The following CNTN5 variants were observed in gnomAD, a reference collection of about 807,000 sequenced individuals.
The protein encoded by CNTN5 is contactin-5.
Under a neutral mutation model 129.1 loss-of-function variants are expected in CNTN5, and 77 were observed. The ratio of observed to expected loss-of-function variants is 0.60; its 90% CI spans 0.50 to 0.72. CNTN5 has a LOEUF of 0.72. CNTN5 is among the 30% of genes least tolerant of loss of function. The pLI is 0.00. For synonymous variants in CNTN5, 509 were observed against 465.6 expected, an observed-to-expected ratio of 1.09 and a Z score of -1.20; for missense variants, 1,478 against 1,328.8, an observed-to-expected ratio of 1.11 and a Z score of -1.75.
intron 2 of CNTN5, among the ~76,000 whole-genome samples, chr11:99,472,059 A>G (rs1286570715): frequency 3.3e-5 from 5 of 152,162 alleles, no homozygotes; most frequent in Admixed American, 3.3e-4. Context: ...ACTGAACCTC[A>G]GTTTTCATGG....
At chr11:99,851,318 G>A (rs1287511801) in intron 6 of CNTN5, among the ~76,000 whole-genome samples, 1 of 152,158 alleles carries the variant, frequency 6.6e-6, no homozygotes, top group Non-Finnish European at 1.5e-5. Flanking sequence ...CAAAGCTGGA[G>A]TGATTTCCTA....
intron 21 of CNTN5, among the ~76,000 whole-genome samples, chr11:100,328,005 A>G (rs958886537): frequency 1.3e-5 from 2 of 152,108 alleles, no homozygotes; most frequent in Non-Finnish European, 2.9e-5. Flanking sequence ...ACTGAGTACA[A>G]TTAAAGGTAT....
chr11:99,143,091 T>C (rs1384939453), intron 1 of CNTN5, among the ~76,000 whole-genome samples: 1 of 152,004 alleles, frequency 6.6e-6, no homozygotes, highest in African/African-American at 2.4e-5. Context: ...TGAGAGTTCC[T>C]TCTGGTTGTG....
chr11:100,162,479 A>G (rs911036620), intron 13 of CNTN5, among the ~76,000 whole-genome samples: 1 of 151,916 alleles, frequency 6.6e-6, no homozygotes, highest in African/African-American at 2.4e-5. Context: ...AGCTGGCTTC[A>G]TGAATGAAGG....
intron 13 of CNTN5, among the ~76,000 whole-genome samples, chr11:100,102,697 AC>A (rs1945272273): frequency 6.6e-6 from 1 of 152,162 alleles, no homozygotes; most frequent in Admixed American, 6.5e-5. Flanking sequence ...AAAAGACATT[AC>A]TAAAATGTGT....
intron 13 of CNTN5, among the ~76,000 whole-genome samples, chr11:100,087,511 C>G (rs1944599621): frequency 2.0e-5 from 3 of 151,688 alleles, no homozygotes; most frequent in Admixed American, 1.3e-4. Context: ...AGTAAAAACA[C>G]AAGCCAATCA....
At chr11:100,256,645 G>A (rs1251369762) in intron 17 of CNTN5, among the ~76,000 whole-genome samples, 1 of 152,118 alleles carries the variant, frequency 6.6e-6, no homozygotes, top group African/African-American at 2.4e-5. Context: ...TGCAGCCCAT[G>A]GAGGGCAAGC....
chr11:99,687,605 A>T (rs1953850525), intron 3 of CNTN5, among the ~76,000 whole-genome samples: 1 of 152,198 alleles, frequency 6.6e-6, no homozygotes, highest in Admixed American at 6.5e-5. Flanking sequence ...TGCTCAAGTT[A>T]CATAGTAGTT....
At chr11:100,266,107 T>G (rs1950298025) in intron 17 of CNTN5, among the ~76,000 whole-genome samples, 1 of 152,120 alleles carries the variant, frequency 6.6e-6, no homozygotes, top group Admixed American at 6.6e-5. Flanking sequence ...ATTAAATTGG[T>G]GGCTGGATTT....
At chr11:100,346,564 A>G (rs1952285939) in intron 23 of CNTN5, among the ~76,000 whole-genome samples, 1 of 152,144 alleles carries the variant, frequency 6.6e-6, no homozygotes, top group Non-Finnish European at 1.5e-5. Flanking sequence ...ACAAGCAGTC[A>G]GAAAGAATTC....
chr11:99,933,161 G>A (rs1322535969), intron 7 of CNTN5, among the ~76,000 whole-genome samples: 7 of 152,044 alleles, frequency 4.6e-5, no homozygotes, highest in Non-Finnish European at 7.4e-5. Flanking sequence ...AAGAAATATA[G>A]TGATGTAGTT....
intron 13 of CNTN5, among the ~76,000 whole-genome samples, chr11:100,126,241 G>C (rs73563191): frequency 6.6e-6 from 1 of 151,970 alleles, no homozygotes; most frequent in South Asian, 2.1e-4. Flanking sequence ...TATGTTCCAC[G>C]TGCAGATGAA....
intron 13 of CNTN5, among the ~76,000 whole-genome samples, chr11:100,139,199 G>T (rs1946615736): frequency 6.6e-6 from 1 of 152,106 alleles, no homozygotes; most frequent in South Asian, 2.1e-4. Flanking sequence ...ACAGGGCAGA[G>T]ATATGGCATA....
intron 13 of CNTN5, among the ~76,000 whole-genome samples, chr11:100,076,737 C>A (rs1420682969): frequency 6.6e-6 from 1 of 151,882 alleles, no homozygotes; most frequent in Non-Finnish European, 1.5e-5. Flanking sequence ...TTCTGCCTAC[C>A]TTGATCTACA....
In CNTN5 at chr11:99,058,518, A is replaced by T. The variant is rs1284691862; in HGVS notation, c.-210+37248A>T. Among the ~76,000 whole-genome samples, 5 of 152,154 alleles carry T rather than the reference A, an allele frequency of 3.3e-5. No individual in the cohort carries two copies. In the East Asian group the frequency reaches 5.8e-4, roughly 18 times the overall value. On this transcript the variant is annotated intron_variant, in intron 1 of 24. Transcript: ENST00000524871. ...TAGGGAGCTATAACTTGCAGAGCTAAGCAGCTTTACCACACATACATAGAA... is the reference window on the plus strand; with the variant it reads ...TAGGGAGCTATAACTTGCAGAGCTATGCAGCTTTACCACACATACATAGAA...
intron 1 of CNTN5, among the ~76,000 whole-genome samples, chr11:99,293,058 T>C (rs181725790): frequency 9.2e-5 from 14 of 152,316 alleles, no homozygotes; most frequent in Admixed American, 9.2e-4. Flanking sequence ...AGAAGTTAAC[T>C]GTGGGTTTGT....
chr11:99,881,849 G>A (rs1404352676), intron 6 of CNTN5, among the ~76,000 whole-genome samples: 1 of 152,196 alleles, frequency 6.6e-6, no homozygotes, highest in Non-Finnish European at 1.5e-5. Context: ...GAGTTGCACA[G>A]TATTGTCTGA....
intron 1 of CNTN5, among the ~76,000 whole-genome samples, chr11:99,213,300 A>G (rs1859911833): frequency 6.8e-6 from 1 of 146,050 alleles, no homozygotes; most frequent in Non-Finnish European, 1.5e-5. Context: ...TATAACATAT[A>G]TAATATATAC....
At chr11:99,131,261 A>AAAAAAAAG (rs1349668044) in intron 1 of CNTN5, among the ~76,000 whole-genome samples, 2 of 148,908 alleles carry the variant, frequency 1.3e-5, no homozygotes, top group Non-Finnish European at 3.0e-5. Flanking sequence ...AAAAAAAAAA[A>AAAAAAAAG]AAAGAAAAAT....
Sources: allele counts gnomAD v4.1 joint callset (sites outside exome capture counted in the v4.1 genomes callset), GRCh38; gene constraint gnomAD v4.1.1; transcripts MANE v1.5; gene names NCBI Gene and HGNC (gene_info 2026-07-23, HGNC 2026-07-21).